The following RGS12 variants were observed in gnomAD, a reference collection of about 807,000 sequenced individuals.
RGS12 encodes regulator of G protein signaling 12.
In RGS12, 66 loss-of-function variants were observed where a neutral mutation model predicts 120.1. The observed-to-expected ratio is 0.55, with a 90% CI of 0.45 to 0.67. The LOEUF (loss-of-function observed/expected upper bound fraction) is 0.67, where lower values mean the gene tolerates loss of function less well. Ranked by LOEUF, RGS12 falls within the 30% of genes least tolerant of loss-of-function variation. RGS12 has a pLI of 0.00. For missense variants in RGS12, 1,859 were observed against 1,957.7 expected (o/e 0.95, Z 0.95); for synonymous variants, 827 against 804.7 (o/e 1.03, Z -0.47).
At position 3,301,842 on chromosome 4, in the gene RGS12, G is replaced by T. The variant is rs202051727; in HGVS notation, c.-102+8743G>T. On this transcript the variant is annotated intron_variant, in intron 1 of 17. Transcript: ENST00000336727. The stretch of plus-strand genomic sequence containing the variant: ...GAGGTGCCAGCAAGGAGGAGGAGAA[G>T]AACATGGACGTTGGAATGAGCCAGG... Among the ~76,000 whole-genome samples, 31 of 152,310 alleles carry T rather than the reference G, an allele frequency of 2.0e-4. No individual in the cohort carries two copies. In the South Asian group the frequency reaches 3.5e-3, roughly 17 times the overall value.
chr4:3,423,148 C>T (rs1444453542), intron 12 of RGS12, among the ~76,000 whole-genome samples, 170 bp downstream of exon 12: 1 of 152,188 alleles, frequency 6.6e-6, no homozygotes, highest in Non-Finnish European at 1.5e-5. Flanking sequence ...AGCCCCCCTA[C>T]AAGCCCGGGG....
intron 2 of RGS12, among the ~76,000 whole-genome samples, chr4:3,337,148 A>G (rs1343599502): frequency 6.6e-6 from 1 of 152,248 alleles, no homozygotes; most frequent in East Asian, 1.9e-4. Context: ...ACACACAGTG[A>G]GTCAGCACCT....
At chr4:3,318,311 G>GGTGTGGC in intron 2 of RGS12, among the ~76,000 whole-genome samples, 1 of 152,342 alleles carries the variant, frequency 6.6e-6, no homozygotes. Context: ...CATCTGGGCA[G>GGTGTGGC]GACTGGTGGT....
chr4:3,373,495 G>A lies in RGS12; in HGVS notation c.1999-12921G>A, dbSNP rs544982190. Among the ~76,000 whole-genome samples the A allele has an allele frequency of 8.5e-5, 13 of 152,320 alleles. 1 individual carries two copies. In the South Asian group the frequency reaches 2.5e-3, roughly 29 times the overall value. On this transcript the variant is annotated intron_variant, in intron 3 of 17. Transcript: ENST00000336727. Reference sequence around the variant, plus strand: ...TGGTGGGCCATCCGGGAAGGTGTTCGCATTTCACCGTGTCTCTTTTCCAGC... The same window carrying A: ...TGGTGGGCCATCCGGGAAGGTGTTCACATTTCACCGTGTCTCTTTTCCAGC...
chr4:3,378,710 C>T (rs1033128776), intron 3 of RGS12: 1 of 152,212 alleles, frequency 6.6e-6, no homozygotes, highest in African/African-American at 2.4e-5. Context: ...AGTGAGCTGT[C>T]ACTGCATGTC....
intron 1 of RGS12, among the ~76,000 whole-genome samples, chr4:3,295,600 C>G (rs1258058696): frequency 7.2e-6 from 1 of 139,502 alleles, no homozygotes; most frequent in African/African-American, 2.7e-5. Context: ...GCGGAGGTTG[C>G]GGTGAGCCAA....
chr4:3,414,148 G>A lies in RGS12; in HGVS notation c.2097G>A (p.Gln699=), dbSNP rs749589238. Residue 699 remains glutamine (Q), a synonymous_variant, in exon 5 of 18, where the codon CAG becomes CAA. Transcript: ENST00000336727. ...LSSNASLPSV[Q]SCRRLRERRV... ...GCAATGCCAGCCTCCCCAGCGTGCAGAGCTGCCGGCGCCTGCGTGAGAGGA... is the reference window on the plus strand; with the variant it reads ...GCAATGCCAGCCTCCCCAGCGTGCAAAGCTGCCGGCGCCTGCGTGAGAGGA... 2 of 1,565,232 alleles carry A rather than the reference G, an allele frequency of 1.3e-6. No homozygotes were observed. The highest frequency in any genetic ancestry group is 2.7e-5 in the African/African-American group (2 of 74,168).
intron 4 of RGS12, among the ~76,000 whole-genome samples, chr4:3,388,127 TC>T (rs2108977660): frequency 6.6e-6 from 1 of 152,198 alleles, no homozygotes; most frequent in Admixed American, 6.5e-5. Context: ...TGCTCCTCCT[TC>T]TTTTCCCAGT....
intron 3 of RGS12, among the ~76,000 whole-genome samples, chr4:3,345,643 G>A (rs1357178945): frequency 3.9e-5 from 6 of 152,184 alleles, no homozygotes; most frequent in Non-Finnish European, 7.3e-5. Flanking sequence ...TGTTAAGTAC[G>A]GTTTTGTCTG....
At chr4:3,313,720 G>C (rs1469744096) in intron 1 of RGS12, among the ~76,000 whole-genome samples, 1 of 152,136 alleles carries the variant, frequency 6.6e-6, no homozygotes, top group African/African-American at 2.4e-5. Flanking sequence ...CTGGGCTCGA[G>C]ACCCATCCTT....
intron 3 of RGS12, among the ~76,000 whole-genome samples, chr4:3,375,411 A>AT (rs1717559663): frequency 1.2e-5 from 1 of 85,464 alleles, no homozygotes; most frequent in African/African-American, 4.3e-5. Flanking sequence ...CCTCATCTCC[A>AT]GCCTCATCTC....
At position 3,366,986 on chromosome 4, in the gene RGS12, C is replaced by A. The variant is rs997471221; in HGVS notation, c.1999-19430C>A. The stretch of plus-strand genomic sequence containing the variant: ...TCCTCCCCGCCCAGAATGCCCTCTG[C>A]CCCGCCACCCCCATCATCCCTGCTG... On this transcript the variant is annotated intron_variant, in intron 3 of 17. Transcript: ENST00000336727. The surrounding 1 kb of genome is among the most constrained non-coding windows in gnomAD (Gnocchi z 4.0). 2.0e-5 allele frequency among the ~76,000 whole-genome samples: 3 copies of A among 152,212 alleles called. No individual in the cohort carries two copies. The highest frequency in any genetic ancestry group is 2.0e-4 in the Admixed American group (3 of 15,290).
At position 3,414,151 on chromosome 4, in the gene RGS12, C is replaced by T. The variant is rs1444999382; in HGVS notation, c.2100C>T (p.Ser700=). 15 of 1,559,332 alleles carry T rather than the reference C, an allele frequency of 9.6e-6. No individual in the cohort carries two copies. Among genetic ancestry groups the T allele is most frequent in the Non-Finnish European group, 1.3e-5 (15 of 1,158,116 alleles). The stretch of plus-strand genomic sequence containing the variant: ...ATGCCAGCCTCCCCAGCGTGCAGAG[C>T]TGCCGGCGCCTGCGTGAGAGGAGGG... The part of the protein sequence containing the change: ...SSNASLPSVQ[S]CRRLRERRVA... The change falls in exon 5 of 18, where the codon AGC becomes AGT. Residue 700 remains serine, a synonymous_variant. Coordinates refer to ENST00000336727, the MANE Select transcript of RGS12 (RefSeq NM_001394154.1).
intron 2 of RGS12, among the ~76,000 whole-genome samples, chr4:3,337,156 C>G (rs968902322): frequency 6.6e-6 from 1 of 152,188 alleles, no homozygotes; most frequent in African/African-American, 2.4e-5. Flanking sequence ...TGAGTCAGCA[C>G]CTTACACTCC....
At chr4:3,404,785 C>T (rs1445901297) in intron 4 of RGS12, among the ~76,000 whole-genome samples, 1 of 152,236 alleles carries the variant, frequency 6.6e-6, no homozygotes, top group African/African-American at 2.4e-5. Context: ...CAGTGAGCAC[C>T]TGCATGTCCA....
intron 4 of RGS12, among the ~76,000 whole-genome samples, chr4:3,404,451 G>C (rs529994919): frequency 6.6e-6 from 1 of 152,238 alleles, no homozygotes; most frequent in Non-Finnish European, 1.5e-5. Flanking sequence ...TAAGCTGGGC[G>C]AGTAAGTAGG....
chr4:3,426,022 G>A (rs1190840005), intron 14 of RGS12, among the ~76,000 whole-genome samples: 2 of 23,590 alleles, frequency 8.5e-5, no homozygotes, highest in Admixed American at 3.8e-4. Context: ...GAGGGTGAGC[G>A]GGGCCAGTGC....
At chr4:3,435,030 G>A (rs1724674961) in intron 17 of RGS12, among the ~76,000 whole-genome samples, 1 of 152,080 alleles carries the variant, frequency 6.6e-6, no homozygotes, top group South Asian at 2.1e-4. Context: ...AGGGGTCCCC[G>A]CATAGCTCTC....
At chr4:3,341,844 A>C (rs1412116539) in intron 2 of RGS12, among the ~76,000 whole-genome samples, 1 of 74,742 alleles carries the variant, frequency 1.3e-5, no homozygotes, top group Non-Finnish European at 2.7e-5. Flanking sequence ...GTGTGGGCGG[A>C]GGGTAGGGGC....
Sources: allele counts gnomAD v4.1 joint callset (sites outside exome capture counted in the v4.1 genomes callset), GRCh38; gene constraint gnomAD v4.1.1; non-coding constraint Gnocchi (gnomAD v3.1); transcripts MANE v1.5; gene names NCBI Gene and HGNC (gene_info 2026-07-23, HGNC 2026-07-21).